Variants in TMEM135 observed in about 807,000 individuals in gnomAD.
The protein encoded by TMEM135 is peroxisomal membrane protein 52.
Under a neutral mutation model 60.3 loss-of-function variants are expected in TMEM135, and 30 were observed. That is an observed-to-expected ratio of 0.50 (90% CI 0.37 to 0.68). The LOEUF (loss-of-function observed/expected upper bound fraction) is 0.68. TMEM135 is among the 30% of genes least tolerant of loss of function. TMEM135 has a pLI of 0.00. For synonymous variants in TMEM135, 190 were observed against 186.7 expected (o/e 1.02, Z -0.14); for missense variants, 468 against 548.8 (o/e 0.85, Z 1.47).
chr11:87,087,230 A>T (rs1192225547), intron 3 of TMEM135, among the ~76,000 whole-genome samples: 2 of 150,346 alleles, frequency 1.3e-5, no homozygotes, highest in Non-Finnish European at 1.5e-5. Context: ...GGCTATAGTT[A>T]TGTCTGCTAA....
chr11:87,295,024 G>A (rs1450085793), intron 6 of TMEM135, among the ~76,000 whole-genome samples: 1 of 152,006 alleles, frequency 6.6e-6, no homozygotes, highest in Non-Finnish European at 1.5e-5. Context: ...CCCAAATTCT[G>A]GAATTCTGAC....
At chr11:87,174,284 C>T (rs1028112324) in intron 5 of TMEM135, among the ~76,000 whole-genome samples, 2 of 152,118 alleles carry the variant, frequency 1.3e-5, no homozygotes, top group Non-Finnish European at 2.9e-5. Context: ...AGATACCTTA[C>T]ACATGTCTAT....
chr11:87,236,722 A>G (rs760252461), intron 6 of TMEM135, 38 bp downstream of exon 6: 6 of 1,568,910 alleles, frequency 3.8e-6, no homozygotes, highest in Non-Finnish European at 5.3e-6. Flanking sequence ...AATACCCCAA[A>G]CAGTATCTCT....
chr11:87,107,408 TC>T (rs1400052069), intron 4 of TMEM135, among the ~76,000 whole-genome samples: 1 of 148,874 alleles, frequency 6.7e-6, no homozygotes, highest in Non-Finnish European at 1.5e-5. Flanking sequence ...ATGCTATCCA[TC>T]CCCCCTCCCC....
chr11:87,071,533 G>A lies in TMEM135; in HGVS notation c.280G>A (p.Gly94Arg), dbSNP rs777076312. ...AAATTTGAATTTCAGGAAGATACTT[G>A]GAAAATTCTACTCATGGACTCCTGG... ...AFFCILRKILGKFYSWTPGFG... is the reference protein window; with the variant it reads ...AFFCILRKILRKFYSWTPGFG... The change falls in exon 3 of 15, where the codon GGA (glycine) becomes AGA (arginine). Residue 94 changes from glycine to arginine, a missense_variant. Gly to Arg is a moderately radical substitution (Grantham distance 125). Transcript: ENST00000305494. 1.2e-6 allele frequency: 2 copies of A among 1,613,782 alleles called. No individual in the cohort carries two copies. The highest frequency in any genetic ancestry group is 1.7e-6 in the Non-Finnish European group (2 of 1,179,826).
intron 4 of TMEM135, among the ~76,000 whole-genome samples, chr11:87,097,616 G>T (rs977010849): frequency 1.3e-5 from 2 of 152,140 alleles, no homozygotes; most frequent in African/African-American, 2.4e-5. Context: ...TTATGGGGGG[G>T]TCTTTATGTT....
At chr11:87,177,152 A>G (rs1378020682) in intron 5 of TMEM135, among the ~76,000 whole-genome samples, 7 of 152,152 alleles carry the variant, frequency 4.6e-5, no homozygotes, top group South Asian at 2.1e-4. Flanking sequence ...GATTGCCCCA[A>G]TTGAAAGCAC....
At chr11:87,095,509 G>T (rs574477753) in intron 4 of TMEM135, 6 of 194,008 alleles carry the variant, frequency 3.1e-5, no homozygotes, top group Non-Finnish European at 5.6e-5. Context: ...ATGGGTTTCT[G>T]GGTTTCTTGG....
intron 5 of TMEM135, among the ~76,000 whole-genome samples, chr11:87,232,713 T>C (rs1309804728): frequency 6.6e-6 from 1 of 152,006 alleles, no homozygotes; most frequent in Non-Finnish European, 1.5e-5. Context: ...AGGGCAGAAA[T>C]GGAAATACAT....
intron 1 of TMEM135, among the ~76,000 whole-genome samples, chr11:87,055,621 G>A (rs1008134985): frequency 1.3e-5 from 2 of 149,700 alleles, no homozygotes; most frequent in Non-Finnish European, 3.0e-5. Flanking sequence ...ATGGAGTTTC[G>A]CTCTTGTTGC....
At chr11:87,234,964 T>G (rs987897930) in intron 5 of TMEM135, among the ~76,000 whole-genome samples, 1 of 151,870 alleles carries the variant, frequency 6.6e-6, no homozygotes, top group Non-Finnish European at 1.5e-5. Flanking sequence ...AGAGAGGTTT[T>G]TAGTGTGATC....
At chr11:87,116,776 T>C (rs1401152271) in intron 4 of TMEM135, among the ~76,000 whole-genome samples, 1 of 151,890 alleles carries the variant, frequency 6.6e-6, no homozygotes. Flanking sequence ...CCAGTGCATA[T>C]AAAAATCATG....
chr11:87,103,297 C>T (rs1857505967), intron 4 of TMEM135, among the ~76,000 whole-genome samples: 1 of 152,134 alleles, frequency 6.6e-6, no homozygotes. Flanking sequence ...TTTACATTCT[C>T]ACCAATAGTG....
At chr11:87,251,280 T>C (rs1208433742) in intron 6 of TMEM135, among the ~76,000 whole-genome samples, 1 of 152,100 alleles carries the variant, frequency 6.6e-6, no homozygotes, top group African/African-American at 2.4e-5. Context: ...TAAGAAAAAG[T>C]GTTCCAAGTA....
chr11:87,222,575 G>A (rs1386538161), intron 5 of TMEM135, among the ~76,000 whole-genome samples: 33 of 151,516 alleles, frequency 2.2e-4, no homozygotes, highest in African/African-American at 7.8e-4. Context: ...AGGCTGAGGC[G>A]GGCGGATCAC....
chr11:87,069,284 C>CAAAAAAAAAAAAAA (rs778885228), intron 2 of TMEM135, among the ~76,000 whole-genome samples: 1 of 62,540 alleles, frequency 1.6e-5, no homozygotes, highest in Non-Finnish European at 3.0e-5. Context: ...GACTCCGTCT[C>CAAAAAAAAAAAAAA]AAAAAAAAAA....
chr11:87,261,430 G>A (rs948062112), intron 6 of TMEM135, among the ~76,000 whole-genome samples: 2 of 152,082 alleles, frequency 1.3e-5, no homozygotes, highest in Admixed American at 6.5e-5. Context: ...GTTAATTAAT[G>A]TGTGAAACAA....
At chr11:87,184,162 T>G (rs1342846597) in intron 5 of TMEM135, among the ~76,000 whole-genome samples, 1 of 152,142 alleles carries the variant, frequency 6.6e-6, no homozygotes, top group Admixed American at 6.5e-5. Flanking sequence ...AATTAAAACC[T>G]TGTCTCTGAT....
At chr11:87,133,160 A>G (rs1937985218) in intron 4 of TMEM135, among the ~76,000 whole-genome samples, 1 of 152,204 alleles carries the variant, frequency 6.6e-6, no homozygotes, top group African/African-American at 2.4e-5. Context: ...AACAGTTTAA[A>G]ACTGATGAAT....
Sources: gnomAD v4.1 joint callset for allele counts (sites outside exome capture counted in the v4.1 genomes callset) on GRCh38, gnomAD v4.1.1 for gene constraint, MANE v1.5 for transcripts, NCBI Gene and HGNC (gene_info 2026-07-23, HGNC 2026-07-21) for gene names.